Variants in TENM2 observed in about 807,000 individuals in gnomAD.
TENM2 encodes the protein teneurin transmembrane protein 2.
In TENM2, 52 loss-of-function variants were observed where a neutral mutation model predicts 245.2. The ratio of observed to expected loss-of-function variants is 0.21; its 90% CI spans 0.17 to 0.27. TENM2 has a LOEUF of 0.27. Ranked by LOEUF, TENM2 falls within the 10% of genes least tolerant of loss-of-function variation. TENM2 has a pLI of 1.00. For missense variants in TENM2, 3,046 were observed against 3,666.8 expected (o/e 0.83, Z 4.37); for synonymous variants, 1,363 against 1,438.9 (o/e 0.95, Z 1.19).
intron 2 of TENM2, among the ~76,000 whole-genome samples, chr5:167,778,951 A>C (rs1763995459): frequency 6.6e-6 from 1 of 152,200 alleles, no homozygotes; most frequent in African/African-American, 2.4e-5. Context: ...CTCTCTACTT[A>C]GCCCTTGGCT....
intron 5 of TENM2, among the ~76,000 whole-genome samples, chr5:168,020,625 G>C (rs1451479218): frequency 6.6e-6 from 1 of 152,158 alleles, no homozygotes; most frequent in East Asian, 1.9e-4. Flanking sequence ...ACCTTGGGGA[G>C]TGTCTTTCAG....
At chr5:167,752,689 A>G (rs1340104444) in intron 2 of TENM2, among the ~76,000 whole-genome samples, 1 of 152,040 alleles carries the variant, frequency 6.6e-6, no homozygotes, top group East Asian at 1.9e-4. Flanking sequence ...CATTGGCTGA[A>G]CTCTCAGCTC....
chr5:168,030,648 C>CT (rs1468548078), intron 5 of TENM2, among the ~76,000 whole-genome samples: 8 of 152,062 alleles, frequency 5.3e-5, no homozygotes, highest in Admixed American at 5.2e-4. Flanking sequence ...ATCATTGTAT[C>CT]CCCAGAACCT....
chr5:167,813,947 C>T (rs540808040), intron 2 of TENM2, among the ~76,000 whole-genome samples: 13 of 152,218 alleles, frequency 8.5e-5, no homozygotes, highest in African/African-American at 2.2e-4. Flanking sequence ...GCATGGGCAT[C>T]GTGTTGAGGT....
chr5:167,082,205 G>A, the TENM2 span, among the ~76,000 whole-genome samples: 1 of 152,184 alleles, frequency 6.6e-6, no homozygotes, highest in South Asian at 2.1e-4. Context: ...AGAGCGAAAT[G>A]CATATCAGTA....
the TENM2 span, among the ~76,000 whole-genome samples, chr5:167,218,178 C>T: frequency 6.6e-6 from 1 of 151,822 alleles, no homozygotes; most frequent in East Asian, 1.9e-4. Flanking sequence ...CGGGGTTGCT[C>T]CTGGCTCTGT....
chr5:167,947,254 T>C (rs1209861763), intron 3 of TENM2, among the ~76,000 whole-genome samples: 2 of 152,222 alleles, frequency 1.3e-5, no homozygotes, highest in Non-Finnish European at 2.9e-5. Context: ...GCCATTGCTA[T>C]TATCAGAATG....
chr5:167,167,625 G>T, the TENM2 span, among the ~76,000 whole-genome samples: 1 of 152,174 alleles, frequency 6.6e-6, no homozygotes, highest in Non-Finnish European at 1.5e-5. Flanking sequence ...GCAGAATGAA[G>T]ACTGTCTTAT....
the TENM2 span, among the ~76,000 whole-genome samples, chr5:167,004,343 G>A: frequency 1.2e-3 from 182 of 152,216 alleles, no homozygotes; most frequent in Admixed American, 2.0e-3. Flanking sequence ...TGTTACAAAA[G>A]TCATGTTTTA....
At chr5:166,996,309 G>C in the TENM2 span, among the ~76,000 whole-genome samples, 7 of 151,776 alleles carry the variant, frequency 4.6e-5, no homozygotes, top group Admixed American at 1.3e-4. Flanking sequence ...CGCCACTGCA[G>C]TCCAGCCTGG....
At chr5:167,082,922 A>G in the TENM2 span, among the ~76,000 whole-genome samples, 5 of 152,178 alleles carry the variant, frequency 3.3e-5, no homozygotes, top group African/African-American at 1.2e-4. Flanking sequence ...CACAAATAAT[A>G]AGGAATAATG....
At chr5:168,224,482 G>T (rs1166503562) in intron 23 of TENM2, among the ~76,000 whole-genome samples, 1 of 152,228 alleles carries the variant, frequency 6.6e-6, no homozygotes, top group Admixed American at 6.5e-5. Context: ...CTGAAAGCCT[G>T]AGCCAGGTCT....
In TENM2 at chr5:167,377,534, C is replaced by T. The variant is rs554991806; in HGVS notation, c.502+2061C>T. 4.8e-3 allele frequency among the ~76,000 whole-genome samples: 724 copies of T among 152,196 alleles called. 4 individuals are homozygous for T. Among genetic ancestry groups the T allele is most frequent in the Non-Finnish European group, 8.5e-3 (577 of 67,986 alleles). ...TTTAAAACATTTTTTCAATATTTTA[C>T]ATATTCAAAAGAGGTACATAATGTA... On this transcript the variant is annotated intron_variant, in intron 2 of 28. Coordinates refer to ENST00000518659, the Ensembl canonical transcript of TENM2.
At chr5:167,356,105 C>A (rs1759299992) in intron 1 of TENM2, among the ~76,000 whole-genome samples, 1 of 136,028 alleles carries the variant, frequency 7.4e-6, no homozygotes, top group Non-Finnish European at 1.5e-5. Context: ...TCGTTTGAAC[C>A]CGGGAGACGG....
Position 167,912,801 on chromosome 5 carries a change from G to A in TENM2, c.712+36606G>A, listed in dbSNP as rs922099988. On this transcript the variant is annotated intron_variant, in intron 3 of 28. Coordinates refer to ENST00000518659, the Ensembl canonical transcript of TENM2. ...TTTTAGAACACTGATTTTGAATATA[G>A]AAATTCAAAATACCTTTCCTTCTCC... Among the ~76,000 whole-genome samples, 4 of 152,144 alleles carry A rather than the reference G, an allele frequency of 2.6e-5. No homozygotes were observed. The East Asian group carries it at 7.7e-4, about 29-fold the overall frequency.
At chr5:167,581,063 T>G (rs1053277242) in intron 2 of TENM2, among the ~76,000 whole-genome samples, 1 of 152,200 alleles carries the variant, frequency 6.6e-6, no homozygotes, top group Non-Finnish European at 1.5e-5. Context: ...AGTTGTGGCT[T>G]GGACACTTTC....
chr5:167,852,742 C>G (rs1770698862), intron 2 of TENM2, among the ~76,000 whole-genome samples: 1 of 152,122 alleles, frequency 6.6e-6, no homozygotes, highest in South Asian at 2.1e-4. Flanking sequence ...TTCTCTTTAA[C>G]ATGGGATTTG....
At chr5:167,560,601 G>C (rs1231278266) in intron 2 of TENM2, among the ~76,000 whole-genome samples, 2 of 152,182 alleles carry the variant, frequency 1.3e-5, no homozygotes, top group Non-Finnish European at 2.9e-5. Context: ...CTAAGCCTCA[G>C]TTGCCATAAC....
At position 167,872,548 on chromosome 5, in the gene TENM2, G is replaced by GAAAGAGAAAGAA. The variant is rs1313191288; in HGVS notation, c.503-3437_503-3436insAAGAGAAAGAAA. Among the ~76,000 whole-genome samples the GAAAGAGAAAGAA allele has an allele frequency of 3.8e-3, 245 of 65,110 alleles. 1 individual carries two copies. Among genetic ancestry groups the GAAAGAGAAAGAA allele is most frequent in the Admixed American group, 9.5e-3 (68 of 7,190 alleles). 42.7% of individuals were successfully genotyped at this position (65,110 alleles called of 152,430 possible). A position where few individuals can be genotyped will look rare whatever the true frequency, so the allele number is the denominator to read the frequency against. Reference sequence around the variant, plus strand: ...AGAAAGAAAGAAAGAAAGAAAGAAAGAGAAAGAAAGAAAGAAAGAAAGAAA... The same window carrying GAAAGAGAAAGAA: ...AGAAAGAAAGAAAGAAAGAAAGAAAGAAAGAGAAAGAAAGAAAGAAAGAAAGAAAGAAAGAAA... On this transcript the variant is annotated intron_variant, in intron 2 of 28. Transcript: ENST00000518659.
Sources: allele counts gnomAD v4.1 joint callset (sites outside exome capture counted in the v4.1 genomes callset), GRCh38; gene constraint gnomAD v4.1.1; transcripts MANE v1.5; gene names NCBI Gene and HGNC (gene_info 2026-07-23, HGNC 2026-07-21).